BNC2: variants seen among roughly 807,000 people sequenced by gnomAD.
The protein encoded by BNC2 is basonuclin zinc finger protein 2.
A neutral mutation model predicts 76.3 loss-of-function variants in BNC2; 20 were observed. The observed-to-expected ratio is 0.26, with a 90% CI of 0.18 to 0.38. The LOEUF is 0.38. Ranked by LOEUF, BNC2 falls within the 10% of genes least tolerant of loss-of-function variation. The pLI is 1.00. For synonymous variants in BNC2, 582 were observed against 514.8 expected (o/e 1.13, Z -1.77); for missense variants, 1,382 against 1,399.8 (o/e 0.99, Z 0.20).
chr9:16,568,950 A>G (rs1819240221), intron 4 of BNC2, among the ~76,000 whole-genome samples: 1 of 152,016 alleles, frequency 6.6e-6, no homozygotes, highest in South Asian at 2.1e-4. Flanking sequence ...TTCTAACTGT[A>G]ACTGTCAAGG....
intron 2 of BNC2, among the ~76,000 whole-genome samples, chr9:16,728,909 C>G (rs2135005296): frequency 6.6e-6 from 1 of 151,988 alleles, no homozygotes; most frequent in South Asian, 2.1e-4. Context: ...AGAAAAAAAT[C>G]CTTTGTTAAA....
At chr9:16,844,479 A>G (rs914628065) in intron 1 of BNC2, among the ~76,000 whole-genome samples, 5 of 147,018 alleles carry the variant, frequency 3.4e-5, no homozygotes, top group African/African-American at 1.2e-4. Flanking sequence ...TATTTTTACG[A>G]ATATTTTTCT....
chr9:16,499,803 T>C (rs1040166809), intron 5 of BNC2, among the ~76,000 whole-genome samples: 2 of 152,048 alleles, frequency 1.3e-5, no homozygotes, highest in African/African-American at 4.8e-5. Flanking sequence ...AGTGCTGGGA[T>C]TACAGGCATG....
intron 6 of BNC2, among the ~76,000 whole-genome samples, chr9:16,428,489 G>T (rs974661422): frequency 2.6e-5 from 4 of 152,118 alleles, no homozygotes; most frequent in Non-Finnish European, 5.9e-5. Context: ...AGAATGATCT[G>T]TCTTTTGATA....
chr9:16,694,792 C>T (rs1025008201), intron 3 of BNC2, among the ~76,000 whole-genome samples: 3 of 152,090 alleles, frequency 2.0e-5, no homozygotes, highest in African/African-American at 7.2e-5. Context: ...CACAATCCCC[C>T]CTCCAAGCCT....
At chr9:16,743,955 AGTTT>A (rs111863200) in intron 1 of BNC2, among the ~76,000 whole-genome samples, 113 of 150,722 alleles carry the variant, frequency 7.5e-4, no homozygotes, top group Middle Eastern at 3.4e-3. Flanking sequence ...TACAGACTGC[AGTTT>A]GTTTGTTTGT....
intron 5 of BNC2, among the ~76,000 whole-genome samples, chr9:16,445,326 T>C (rs1821209915): frequency 6.6e-6 from 1 of 152,146 alleles, no homozygotes; most frequent in African/African-American, 2.4e-5. Context: ...TAAACAAAAT[T>C]ACACCATTCT....
chr9:16,750,255 A>T (rs1825149542), intron 1 of BNC2, among the ~76,000 whole-genome samples: 2 of 152,236 alleles, frequency 1.3e-5, no homozygotes, highest in Non-Finnish European at 2.9e-5. Flanking sequence ...TTTGATACTT[A>T]TATTTGTACC....
chr9:16,421,218 G>A, intron 6 of BNC2: 2 of 1,263,296 alleles, frequency 1.6e-6, no homozygotes, highest in South Asian at 1.3e-5. Flanking sequence ...AAGGGGCAGA[G>A]GGCAGCAGCC....
At chr9:16,613,140 T>C (rs935117419) in intron 3 of BNC2, among the ~76,000 whole-genome samples, 1 of 152,172 alleles carries the variant, frequency 6.6e-6, no homozygotes, top group African/African-American at 2.4e-5. Context: ...AAGATAGCAG[T>C]GAGTTTTATT....
intron 1 of BNC2, among the ~76,000 whole-genome samples, chr9:16,771,789 C>CTTTCT (rs1437671488): frequency 3.8e-4 from 58 of 152,316 alleles, no homozygotes; most frequent in Non-Finnish European, 7.5e-4. Context: ...TGCTAAATGA[C>CTTTCT]AGATAAACTC....
intron 3 of BNC2, among the ~76,000 whole-genome samples, chr9:16,649,493 T>C (rs948981891): frequency 6.6e-6 from 1 of 152,128 alleles, no homozygotes; most frequent in African/African-American, 2.4e-5. Flanking sequence ...GGAGCACTGG[T>C]GCACAAGAGC....
At chr9:16,588,616 T>C (rs558006925) in intron 3 of BNC2, among the ~76,000 whole-genome samples, 1 of 152,290 alleles carries the variant, frequency 6.6e-6, no homozygotes, top group East Asian at 1.9e-4. Context: ...ATCTAAAATA[T>C]ACAAAGAAGA....
chr9:16,523,193 C>T (rs1250376438), intron 5 of BNC2, among the ~76,000 whole-genome samples: 1 of 152,108 alleles, frequency 6.6e-6, no homozygotes, highest in African/African-American at 2.4e-5. Flanking sequence ...AACAACTGGC[C>T]GGACGCGGTG....
At chr9:16,594,927 G>A (rs1465299986) in intron 3 of BNC2, among the ~76,000 whole-genome samples, 1 of 151,976 alleles carries the variant, frequency 6.6e-6, no homozygotes, top group Non-Finnish European at 1.5e-5. Context: ...TAACCAAATA[G>A]GAGATGTGAA....
chr9:16,750,111 A>G (rs907327983), intron 1 of BNC2, among the ~76,000 whole-genome samples: 4 of 152,202 alleles, frequency 2.6e-5, no homozygotes, highest in Non-Finnish European at 5.9e-5. Context: ...TAAATTAACA[A>G]TTTAGAGTTT....
intron 4 of BNC2, among the ~76,000 whole-genome samples, chr9:16,553,324 C>G (rs1034138512): frequency 1.3e-5 from 2 of 152,132 alleles, no homozygotes; most frequent in African/African-American, 4.8e-5. Flanking sequence ...AAGCTGACAT[C>G]TGTGTGGAGG....
At chr9:16,523,446 G>C (rs531086806) in intron 5 of BNC2, among the ~76,000 whole-genome samples, 62 of 149,906 alleles carry the variant, frequency 4.1e-4, no homozygotes, top group African/African-American at 1.5e-3. Context: ...ACTCCAGCCT[G>C]GACGAAATAG....
chr9:16,820,567 T>C (rs1185519206), intron 1 of BNC2, among the ~76,000 whole-genome samples: 1 of 152,188 alleles, frequency 6.6e-6, no homozygotes, highest in Non-Finnish European at 1.5e-5. Context: ...GCCTTTCCTC[T>C]CATTAAAAGC....
Sources: allele counts gnomAD v4.1 joint callset (sites outside exome capture counted in the v4.1 genomes callset), GRCh38; gene constraint gnomAD v4.1.1; transcripts MANE v1.5; gene names NCBI Gene and HGNC (gene_info 2026-07-23, HGNC 2026-07-21).